Variants in NIPBL observed in about 807,000 individuals in gnomAD.
The protein encoded by NIPBL is NIPBL cohesin loading factor.
NIPBL carries 19 observed loss-of-function variants against 321.8 expected under a neutral mutation model. The ratio of observed to expected loss-of-function variants is 0.06; its 90% CI spans 0.04 to 0.09. The LOEUF is 0.09. Among genes scored for constraint, NIPBL ranks in the 10% least tolerant of loss-of-function variants. NIPBL has a pLI of 1.00. For missense variants in NIPBL, 2,210 were observed against 3,327.0 expected, an observed-to-expected ratio of 0.66 and a Z score of 8.26; for synonymous variants, 1,106 against 1,114.1, an observed-to-expected ratio of 0.99 and a Z score of 0.14.
At chr5:36,963,517 C>T (rs1015846958) in intron 6 of NIPBL, among the ~76,000 whole-genome samples, 4 of 151,888 alleles carry the variant, frequency 2.6e-5, no homozygotes, top group Non-Finnish European at 1.5e-5. Context: ...TTGAAATAGA[C>T]ACAGCCAGGT....
At chr5:36,912,528 A>T (rs1748125974) in intron 1 of NIPBL, among the ~76,000 whole-genome samples, 1 of 144,262 alleles carries the variant, frequency 6.9e-6, no homozygotes, top group African/African-American at 2.6e-5. Flanking sequence ...TTGGGGATGG[A>T]ATCTCACTGT....
At position 37,030,134 on chromosome 5, in the gene NIPBL, G is replaced by A. The variant is rs145737714; in HGVS notation, c.5862+2722G>A. ...ATCTTGTATTAGCAAATTAGAAGCA[G>A]AAGGGACATGACCAGATTTATACTC... On this transcript the variant is annotated intron_variant, in intron 32 of 46. Coordinates refer to ENST00000282516, the MANE Select transcript of NIPBL (RefSeq NM_133433.4). Among the ~76,000 whole-genome samples the A allele has an allele frequency of 4.8e-3, 727 of 152,298 alleles. 5 individuals carry two copies. Among genetic ancestry groups the A allele is most frequent in the African/African-American group, 0.016 (670 of 41,562 alleles).
chr5:36,956,439 A>G (rs921508847), intron 3 of NIPBL, among the ~76,000 whole-genome samples: 1 of 151,984 alleles, frequency 6.6e-6, no homozygotes, highest in Non-Finnish European at 1.5e-5. Flanking sequence ...AGAGATATCT[A>G]CATTAGATGC....
chr5:36,902,475 T>G (rs987650887), intron 1 of NIPBL, among the ~76,000 whole-genome samples: 3 of 152,216 alleles, frequency 2.0e-5, no homozygotes, highest in African/African-American at 7.2e-5. Context: ...CTTGTGCATA[T>G]GGTTAGCCAG....
chr5:37,000,928 C>A, intron 13 of NIPBL, 40 bp downstream of exon 13: 3 of 1,587,620 alleles, frequency 1.9e-6, no homozygotes, highest in South Asian at 1.1e-5. Flanking sequence ...TATTCATATT[C>A]TTCAGCTTCA....
intron 19 of NIPBL, 68 bp downstream of exon 19, chr5:37,008,156 A>G: frequency 7.6e-6 from 8 of 1,054,434 alleles, no homozygotes; most frequent in South Asian, 5.2e-5. Flanking sequence ...ATTTAATCCA[A>G]ATTTCCAAAA....
chr5:37,016,508 C>G (rs1749017067), intron 23 of NIPBL, among the ~76,000 whole-genome samples: 1 of 151,912 alleles, frequency 6.6e-6, no homozygotes, highest in Admixed American at 6.6e-5. Context: ...TCCTTATCAT[C>G]TTTAAGAGTA....
Position 37,010,237 on chromosome 5 carries a change from A to G in NIPBL, c.4560+12A>G, listed in dbSNP as rs1430810345. 18 of 1,583,634 alleles carry G rather than the reference A, an allele frequency of 1.1e-5. No homozygotes were observed. Among genetic ancestry groups the G allele is most frequent in the Non-Finnish European group, 1.6e-5 (18 of 1,152,928 alleles). On this transcript the variant is annotated intron_variant, in intron 21 of 46. Transcript: ENST00000282516. ...ATTCAAATAAAAAAGTAAGGAATCT[A>G]TTAAAGGTTTTACAACTGTACTTTT... is the stretch of plus-strand genomic sequence containing the variant.
At chr5:36,939,678 A>G (rs566068782) in intron 1 of NIPBL, among the ~76,000 whole-genome samples, 1 of 152,312 alleles carries the variant, frequency 6.6e-6, no homozygotes, top group Admixed American at 6.5e-5. Context: ...TGGAGTCTGG[A>G]AAGTTCAAGA....
At chr5:36,891,543 A>G (rs1746333000) in intron 1 of NIPBL, among the ~76,000 whole-genome samples, 1 of 152,084 alleles carries the variant, frequency 6.6e-6, no homozygotes, top group Admixed American at 6.6e-5. Context: ...CTGGGCCAAC[A>G]ATTTGATTTT....
intron 1 of NIPBL, among the ~76,000 whole-genome samples, chr5:36,902,934 T>A (rs1747344511): frequency 6.6e-6 from 1 of 152,214 alleles, no homozygotes; most frequent in Non-Finnish European, 1.5e-5. Context: ...TTGTAAACTC[T>A]GATTTTTTTT....
At chr5:36,951,192 T>C (rs1231608597) in intron 1 of NIPBL, among the ~76,000 whole-genome samples, 1 of 152,212 alleles carries the variant, frequency 6.6e-6, no homozygotes, top group East Asian at 1.9e-4. Flanking sequence ...GTTAGGTTTA[T>C]TAATCTTCTA....
chr5:37,055,847 A>G (rs770997189), intron 42 of NIPBL, among the ~76,000 whole-genome samples: 13 of 151,978 alleles, frequency 8.6e-5, no homozygotes, highest in Non-Finnish European at 1.6e-4. Context: ...CTCTACAAAA[A>G]TTAAAAAATA....
rs369463497 is a variant in NIPBL, at chr5:36,978,777, C to A, written c.1495+2375C>A. On this transcript the variant is annotated intron_variant, in intron 9 of 46. Transcript: ENST00000282516. Reference sequence around the variant, plus strand: ...AGTTAATTTTTGTATAGGTGAGAGGCAGGAGTCCCGTCTCGTTCTTCTGCT... The same window carrying A: ...AGTTAATTTTTGTATAGGTGAGAGGAAGGAGTCCCGTCTCGTTCTTCTGCT... Among the ~76,000 whole-genome samples the A allele has an allele frequency of 2.6e-4, 40 of 151,846 alleles. 2 individuals carry two copies. In the South Asian group the frequency reaches 8.1e-3, roughly 31 times the overall value.
intron 11 of NIPBL, among the ~76,000 whole-genome samples, chr5:36,999,695 A>G (rs962572390): frequency 2.0e-5 from 3 of 151,684 alleles, no homozygotes; most frequent in East Asian, 1.9e-4. Flanking sequence ...GGTAACATAC[A>G]TAATCATGCT....
At position 36,995,813 on chromosome 5, in the gene NIPBL, C is replaced by G. The variant is rs763894533; in HGVS notation, c.3304+9C>G. ...TGATGAAGCTTTTGAATGTAAGTATCACAGAACTCTTTGTTATTATTTTAG... is the reference window on the plus strand; with the variant it reads ...TGATGAAGCTTTTGAATGTAAGTATGACAGAACTCTTTGTTATTATTTTAG... On this transcript the variant is annotated intron_variant, in intron 11 of 46. Coordinates refer to ENST00000282516, the MANE Select transcript of NIPBL (RefSeq NM_133433.4). 6.2e-7 allele frequency: 1 copy of G among 1,602,932 alleles called. No individual in the cohort carries two copies. The highest frequency in any genetic ancestry group is 1.1e-5 in the South Asian group (1 of 90,774).
intron 1 of NIPBL, among the ~76,000 whole-genome samples, chr5:36,928,597 A>C (rs995572605): frequency 3.3e-5 from 5 of 152,192 alleles, no homozygotes; most frequent in Admixed American, 1.3e-4. Flanking sequence ...CACCTGTTTA[A>C]GTATACAATT....
intron 1 of NIPBL, among the ~76,000 whole-genome samples, chr5:36,933,102 C>T (rs1385725094): frequency 6.6e-6 from 1 of 151,670 alleles, no homozygotes; most frequent in African/African-American, 2.4e-5. Flanking sequence ...AATTTTTATT[C>T]CAGTATAGTA....
chr5:36,999,896 A>G (rs159751), intron 11 of NIPBL, among the ~76,000 whole-genome samples: 86,297 of 152,064 alleles, frequency 0.57, 26,499 homozygotes, highest in African/African-American at 0.82. Context: ...TTAATTGATG[A>G]TGTACATGGT....
Sources: gnomAD v4.1 joint callset for allele counts (sites outside exome capture counted in the v4.1 genomes callset) on GRCh38, gnomAD v4.1.1 for gene constraint, MANE v1.5 for transcripts, NCBI Gene and HGNC (gene_info 2026-07-23, HGNC 2026-07-21) for gene names.